The following MYRFL variants were observed in gnomAD, a reference collection of about 807,000 sequenced individuals.
The protein encoded by MYRFL is myelin regulatory factor like.
Under a neutral mutation model 109.4 loss-of-function variants are expected in MYRFL, and 88 were observed. That is an observed-to-expected ratio of 0.80 (90% CI 0.68 to 0.96). The LOEUF (loss-of-function observed/expected upper bound fraction) is 0.96, where lower values mean the gene tolerates loss of function less well. Ranked by LOEUF, MYRFL falls within the 40% of genes least tolerant of loss-of-function variation. The pLI is 0.00. For synonymous variants in MYRFL, 324 were observed against 320.9 expected, an observed-to-expected ratio of 1.01 and a Z score of -0.10; for missense variants, 957 against 954.9, an observed-to-expected ratio of 1.00 and a Z score of -0.03.
intron 1 of MYRFL, among the ~76,000 whole-genome samples, chr12:69,851,428 T>G (rs1883869263): frequency 6.6e-6 from 1 of 152,232 alleles, no homozygotes; most frequent in East Asian, 1.9e-4. Context: ...TTTTTTGTAT[T>G]AAAATACTTA....
intron 13 of MYRFL, among the ~76,000 whole-genome samples, chr12:69,926,351 T>C (rs1383098538): frequency 3.3e-5 from 5 of 152,216 alleles, no homozygotes; most frequent in African/African-American, 4.8e-5. Flanking sequence ...TTTCACTTTA[T>C]TGGAAATTGA....
chr12:69,908,749 G>A (rs1954459678), intron 11 of MYRFL, among the ~76,000 whole-genome samples: 1 of 152,054 alleles, frequency 6.6e-6, no homozygotes, highest in Non-Finnish European at 1.5e-5. Flanking sequence ...CTTTTAAAAG[G>A]CAATTTTTTA....
chr12:69,832,770 A>AT lies in MYRFL; in HGVS notation c.46+7212dup, dbSNP rs1399089145. On this transcript the variant is annotated intron_variant, in intron 1 of 24. Transcript: ENST00000552032. ...GGTAGAAAATGACATTAGAGTTTGG[A>AT]TTTTTATTCTCAGTGTGGAGAGTTT... is the stretch of plus-strand genomic sequence containing the variant. 3.9e-5 allele frequency among the ~76,000 whole-genome samples: 6 copies of AT among 152,040 alleles called. No individual in the cohort carries two copies. In the South Asian group the frequency reaches 1.2e-3, roughly 32 times the overall value.
intron 7 of MYRFL, among the ~76,000 whole-genome samples, chr12:69,892,639 A>G (rs1317880035): frequency 2.0e-5 from 3 of 152,210 alleles, no homozygotes; most frequent in African/African-American, 7.2e-5. Flanking sequence ...TGCACACATA[A>G]CTGTTCTTGC....
chr12:69,890,980 G>T lies in MYRFL; in HGVS notation c.717G>T (p.Val239=). ...GTTTCTCTTTTCATAGACCTGATGTGGGCTATCGAGTTGTAACAGACAAAG... is the reference window on the plus strand; with the variant it reads ...GTTTCTCTTTTCATAGACCTGATGTTGGCTATCGAGTTGTAACAGACAAAG... ...LNSHYEKLPD[V]GYRVVTDKGF... is the part of the protein sequence containing the mutation. Residue 239 remains valine, a synonymous_variant, in exon 7 of 25, where the codon GTG becomes GTT. Transcript: ENST00000552032. 1 of 1,519,264 alleles carries T rather than the reference G, an allele frequency of 6.6e-7. No homozygotes were observed. The highest frequency in any genetic ancestry group is 8.8e-7 in the Non-Finnish European group (1 of 1,139,658). 94.1% of individuals were successfully genotyped at this position (1,519,264 alleles called of 1,614,324 possible).
chr12:69,914,180 A>G (rs952670230), intron 13 of MYRFL, among the ~76,000 whole-genome samples: 3 of 152,100 alleles, frequency 2.0e-5, no homozygotes, highest in Non-Finnish European at 4.4e-5. Context: ...TTTATTTTTA[A>G]TAATAAAATA....
chr12:69,918,831 C>T (rs1052356910), intron 13 of MYRFL, among the ~76,000 whole-genome samples: 23 of 152,096 alleles, frequency 1.5e-4, no homozygotes, highest in African/African-American at 5.6e-4. Flanking sequence ...TTTCACTTGA[C>T]TCTATTATTT....
intron 11 of MYRFL, among the ~76,000 whole-genome samples, chr12:69,905,707 T>TA (rs1954333932): frequency 6.6e-6 from 1 of 152,226 alleles, no homozygotes; most frequent in South Asian, 2.1e-4. Context: ...TTTCTATTTA[T>TA]ACAAAATAAA....
chr12:69,872,120 C>G (rs1224505279), intron 2 of MYRFL, among the ~76,000 whole-genome samples: 1 of 150,080 alleles, frequency 6.7e-6, no homozygotes, highest in Non-Finnish European at 1.5e-5. Context: ...AAAAATGACT[C>G]TTTTATTATT....
At chr12:69,851,839 T>C (rs745793892) in intron 1 of MYRFL, among the ~76,000 whole-genome samples, 8 of 152,246 alleles carry the variant, frequency 5.3e-5, no homozygotes, top group Admixed American at 2.6e-4. Context: ...TGGGGGAGTT[T>C]TTTGTAGACA....
At chr12:69,860,879 A>T (rs1395443036) in intron 2 of MYRFL, among the ~76,000 whole-genome samples, 1 of 120,604 alleles carries the variant, frequency 8.3e-6, no homozygotes, top group African/African-American at 3.1e-5. Flanking sequence ...TCCTAAAGCT[A>T]TCCCTCCCCC....
chr12:69,936,214 C>T (rs1955460613), intron 17 of MYRFL, 27 bp downstream of exon 17: 2 of 1,529,552 alleles, frequency 1.3e-6, no homozygotes, highest in Admixed American at 4.0e-5. Context: ...ATTTTCTGGC[C>T]TAAAATTCCT....
intron 1 of MYRFL, among the ~76,000 whole-genome samples, chr12:69,850,022 T>C (rs1037305522): frequency 1.3e-5 from 2 of 152,178 alleles, no homozygotes; most frequent in African/African-American, 4.8e-5. Flanking sequence ...TGGGAGATGA[T>C]TGAATCATAG....
At chr12:69,921,617 T>A (rs1954916987) in intron 13 of MYRFL, among the ~76,000 whole-genome samples, 1 of 152,242 alleles carries the variant, frequency 6.6e-6, no homozygotes, top group South Asian at 2.1e-4. Context: ...GGTAATTTTC[T>A]ATTGGATGGA....
At chr12:69,852,226 G>A (rs534561937) in intron 1 of MYRFL, among the ~76,000 whole-genome samples, 6 of 152,274 alleles carry the variant, frequency 3.9e-5, no homozygotes, top group African/African-American at 7.2e-5. Context: ...CCTAAATAAT[G>A]TGTAGTAAGG....
At chr12:69,896,526 C>A (rs561988170) in intron 9 of MYRFL, among the ~76,000 whole-genome samples, 2 of 152,068 alleles carry the variant, frequency 1.3e-5, no homozygotes, top group African/African-American at 2.4e-5. Context: ...ATCAGTGGTA[C>A]GTATGAAGAG....
intron 2 of MYRFL, among the ~76,000 whole-genome samples, chr12:69,870,128 G>GTTAT (rs1332225900): frequency 9.4e-6 from 1 of 106,902 alleles, no homozygotes; most frequent in Non-Finnish European, 1.8e-5. Flanking sequence ...TTTTTTTTTG[G>GTTAT]GACAGAGTCT....
rs1049269028 is a variant in MYRFL, at chr12:69,832,133, T to C, written c.46+6570T>C. On this transcript the variant is annotated intron_variant, in intron 1 of 24. Transcript: ENST00000552032. ...TTGTAGCAGGTTGTTTCAGCAACGA[T>C]TAGATATAAAACTGGTCTAAGTTTA... Among the ~76,000 whole-genome samples the C allele has an allele frequency of 2.0e-5, 3 of 152,154 alleles. No individual in the cohort carries two copies. In the South Asian group the frequency reaches 6.2e-4, roughly 32 times the overall value.
intron 13 of MYRFL, among the ~76,000 whole-genome samples, chr12:69,924,312 T>C (rs894971086): frequency 2.0e-5 from 3 of 152,220 alleles, no homozygotes; most frequent in Non-Finnish European, 4.4e-5. Context: ...TTTCTTCCTT[T>C]CCATTATGTG....
Sources: gnomAD v4.1 joint callset for allele counts (sites outside exome capture counted in the v4.1 genomes callset) on GRCh38, gnomAD v4.1.1 for gene constraint, MANE v1.5 for transcripts, NCBI Gene and HGNC (gene_info 2026-07-23, HGNC 2026-07-21) for gene names.